The following ABCG5 variants were observed in gnomAD, a reference collection of about 807,000 sequenced individuals.
ABCG5 encodes ATP-binding cassette sub-family G member 5.
ABCG5 carries 64 observed loss-of-function variants against 64.5 expected under a neutral mutation model. The observed-to-expected ratio is 0.99, with a 90% confidence interval of 0.81 to 1.22. ABCG5 has a LOEUF of 1.22. Ranked by LOEUF, ABCG5 falls within the 50% of genes most tolerant of loss-of-function variation. The pLI, the probability that ABCG5 is intolerant of heterozygous loss-of-function variation, is 0.00. For synonymous variants in ABCG5, 385 were observed against 326.3 expected (o/e 1.18, Z -1.94); for missense variants, 908 against 829.5 (o/e 1.09, Z -1.16).
At chr2:43,808,271 A>AC (rs903696001), downstream of ABCG5, among the ~76,000 whole-genome samples, 11 of 151,816 alleles carry the variant, frequency 7.2e-5, no homozygotes, top group Non-Finnish European at 1.5e-5. Context: ...AAGGAAAAAA[A>AC]AAAACACACA....
At chr2:43,813,364 C>G (rs1666585787) in intron 12 of ABCG5, 55 bp from the exon 13 acceptor site, 2 of 1,307,738 alleles carry the variant, frequency 1.5e-6, no homozygotes, top group Admixed American at 1.8e-5. Context: ...GTAATTTAAT[C>G]AACAAGTATT....
chr2:43,815,882 G>C (rs1341791249), intron 11 of ABCG5, among the ~76,000 whole-genome samples: 1 of 133,352 alleles, frequency 7.5e-6, no homozygotes, highest in African/African-American at 2.9e-5. Context: ...AGGATGGCTA[G>C]AATGAGGGCA....
intron 7 of ABCG5, 45 bp from the exon 8 acceptor site, chr2:43,824,477 CATGT>C (rs772704001): frequency 3.5e-5 from 56 of 1,605,128 alleles, no homozygotes; most frequent in Non-Finnish European, 4.6e-5. Context: ...TTTTTAAATG[CATGT>C]ATGTACATGG....
intron 4 of ABCG5, among the ~76,000 whole-genome samples, chr2:43,828,791 C>T (rs1367335818): frequency 6.6e-6 from 1 of 152,010 alleles, no homozygotes; most frequent in South Asian, 2.1e-4. Flanking sequence ...CACGGTGAAA[C>T]CCTGTCTGTT....
Position 43,813,180 on chromosome 2 carries a change from A to G in ABCG5, c.1892T>C (p.Ile631Thr). Reference sequence around the variant, plus strand: ...TATTCCTAGGATGACAAGAGCTGGAATAAATGAATACAAAATCAGAAAGTT... The same window carrying G: ...TATTCCTAGGATGACAAGAGCTGGAGTAAATGAATACAAAATCAGAAAGTT... The part of the protein sequence containing the change: ...TMNFLILYSF[I>T]PALVILGIVV... Residue 631 changes from isoleucine to threonine, a missense_variant, in exon 13 of 13, where the codon ATT (isoleucine) becomes ACT (threonine). Coordinates refer to ENST00000405322, the MANE Select transcript of ABCG5 (RefSeq NM_022436.3). 1 of 1,552,378 alleles carries G rather than the reference A, an allele frequency of 6.4e-7. No individual in the cohort carries two copies. The highest frequency in any genetic ancestry group is 8.9e-7 in the Non-Finnish European group (1 of 1,124,064).
intron 5 of ABCG5, among the ~76,000 whole-genome samples, chr2:43,827,524 A>G (rs1368822354): frequency 6.6e-6 from 1 of 152,170 alleles, no homozygotes; most frequent in Non-Finnish European, 1.5e-5. Context: ...AACCTGGCAG[A>G]GGACTGACTA....
Position 43,837,933 on chromosome 2 carries a change from C to G in ABCG5, c.166G>C (p.Asp56His). 6.2e-7 allele frequency: 1 copy of G among 1,614,044 alleles called. No individual in the cohort carries two copies. The highest frequency in any genetic ancestry group is 8.5e-7 in the Non-Finnish European group (1 of 1,179,974). The change falls in exon 2 of 13, where the codon GAC (aspartate) becomes CAC (histidine). Residue 56 changes from aspartate (D) to histidine (H), a missense_variant. Physicochemically the swap from Asp to His is moderately conservative, Grantham distance 81. Transcript: ENST00000405322. The stretch of plus-strand genomic sequence containing the variant: ...CACTGCTGCCGGCAAGATGTGATGT[C>G]CCACCAGGGCCTCACGCGGTGGCTT... ...SVSHRVRPWW[D>H]ITSCRQQWTR... is the part of the protein sequence containing the mutation.
downstream of ABCG5, among the ~76,000 whole-genome samples, chr2:43,807,999 C>A (rs1666332638): frequency 6.6e-6 from 1 of 151,956 alleles, no homozygotes; most frequent in Admixed American, 6.6e-5. Flanking sequence ...AGTCTGCTGT[C>A]TGCAAAAGGG....
chr2:43,820,677 G>A (rs555791255), intron 10 of ABCG5, among the ~76,000 whole-genome samples: 25 of 152,152 alleles, frequency 1.6e-4, no homozygotes, highest in Middle Eastern at 3.4e-3. Flanking sequence ...TTTTTGAGAC[G>A]GAGTTGCACT....
rs2104897687 is a variant in ABCG5, at chr2:43,838,314, T to C, written c.143+223A>G. On this transcript the variant is annotated intron_variant, in intron 1 of 12. Coordinates refer to ENST00000405322, the MANE Select transcript of ABCG5 (RefSeq NM_022436.3). The surrounding 1 kb of genome is among the most constrained non-coding windows in gnomAD (Gnocchi z 4.2). The stretch of plus-strand genomic sequence containing the variant: ...GGGTTGGCAGGGCACTGCTGCCACT[T>C]TGTTTATGCCCAGGCCCTTCCCTGG... 1.7e-6 allele frequency: 1 copy of C among 595,748 alleles called. No individual in the cohort carries two copies. The highest frequency in any genetic ancestry group is 4.5e-4 in the Middle Eastern group (1 of 2,208). The allele number at this position is 595,748 out of a possible 1,614,324, so 36.9% of individuals were successfully genotyped here.
At chr2:43,833,290 C>A (rs1668061820) in intron 2 of ABCG5, among the ~76,000 whole-genome samples, 1 of 152,146 alleles carries the variant, frequency 6.6e-6, no homozygotes, top group East Asian at 1.9e-4. Flanking sequence ...AAGTTCTGAA[C>A]TATCTGGGAA....
intron 2 of ABCG5, among the ~76,000 whole-genome samples, chr2:43,834,500 G>C (rs112263879): frequency 6.6e-6 from 1 of 152,078 alleles, no homozygotes; most frequent in Non-Finnish European, 1.5e-5. Flanking sequence ...ACTAAATTTT[G>C]GGATACTTTT....
chr2:43,831,773 T>G lies in ABCG5; in HGVS notation c.497A>C (p.Lys166Thr). 1 of 1,579,416 alleles carries G rather than the reference T, an allele frequency of 6.3e-7. No individual in the cohort carries two copies. The highest frequency in any genetic ancestry group is 8.6e-7 in the Non-Finnish European group (1 of 1,164,542). The stretch of plus-strand genomic sequence containing the variant: ...TGAGCGGGGGGCTGCACCCACCTTC[T>G]TCTGGAAGGAGCCGGGATTGCCGCG... ...IRRGNPGSFQ[K>T]KVEAVMAELS... Residue 166 changes from lysine to threonine, a missense_variant, in exon 4 of 13, where the codon AAG becomes ACG. Transcript: ENST00000405322.
intron 4 of ABCG5, 147 bp from the exon 5 acceptor site, chr2:43,828,262 T>G: frequency 9.9e-7 from 1 of 1,009,348 alleles, no homozygotes; most frequent in Non-Finnish European, 1.5e-6. Flanking sequence ...GGAAAGCATG[T>G]CTTTGATAAT....
rs1418560227 is a variant in ABCG5 at position 43,832,186 on chromosome 2, G to C, written c.266-103C>G. On this transcript the variant is annotated intron_variant, in intron 2 of 12. Coordinates refer to ENST00000405322, the MANE Select transcript of ABCG5 (RefSeq NM_022436.3). Reference sequence around the variant, plus strand: ...AGGCATGACCCCGCGGGCCATGAGTGCTACATGACGGACCCTGTTCTAGGT... The same window carrying C: ...AGGCATGACCCCGCGGGCCATGAGTCCTACATGACGGACCCTGTTCTAGGT... 6.1e-6 allele frequency: 9 copies of C among 1,473,190 alleles called. No individual in the cohort carries two copies. In the East Asian group the frequency reaches 2.2e-4, roughly 37 times the overall value. The allele number at this position is 1,473,190 out of a possible 1,614,324, so 91.3% of individuals were successfully genotyped here. A position where few individuals can be genotyped will look rare whatever the true frequency, so the allele number is the denominator to read the frequency against.
At chr2:43,809,734 C>T (rs1666414284), downstream of ABCG5, 3 of 1,611,866 alleles carry the variant, frequency 1.9e-6, no homozygotes, top group East Asian at 4.5e-5. Flanking sequence ...GAAGTTCTTC[C>T]AAGTCTTGGA....
At position 43,832,171 on chromosome 2, in the gene ABCG5, C is replaced by A. The variant is rs1405960372; in HGVS notation, c.266-88G>T. On this transcript the variant is annotated intron_variant, in intron 2 of 12. Coordinates refer to ENST00000405322, the MANE Select transcript of ABCG5 (RefSeq NM_022436.3). ...CGAGACCCTCTGTGCAGGCATGACC[C>A]CGCGGGCCATGAGTGCTACATGACG... 18 of 1,535,346 alleles carry A rather than the reference C, an allele frequency of 1.2e-5. No individual in the cohort carries two copies. The East Asian group carries it at 3.7e-4, about 31-fold the overall frequency.
At position 43,838,100 on chromosome 2, in the gene ABCG5, C is replaced by T; in HGVS notation, c.144-145G>A. ...CGTGTTTCAGTCTCTGCGCCCTCCT[C>T]TGTAGAACCTGGCAGATAGCGACTG... On this transcript the variant is annotated intron_variant, in intron 1 of 12. Transcript: ENST00000405322. This position sits in a 1 kb window ranked among gnomAD's most constrained non-coding sequence, Gnocchi z 4.2. 2 of 1,098,182 alleles carry T rather than the reference C, an allele frequency of 1.8e-6. No individual in the cohort carries two copies. The highest frequency in any genetic ancestry group is 2.7e-6 in the Non-Finnish European group (2 of 753,164). 68.0% of individuals were successfully genotyped at this position (1,098,182 alleles called of 1,614,324 possible). A position where few individuals can be genotyped will look rare whatever the true frequency, so the allele number is the denominator to read the frequency against.
At chr2:43,832,317 G>C (rs1311951732) in intron 2 of ABCG5, 3 of 603,300 alleles carry the variant, frequency 5.0e-6, no homozygotes, top group Non-Finnish European at 5.9e-6. Flanking sequence ...AGTGAGAGGG[G>C]ACATGCCATT....
Sources: allele counts gnomAD v4.1 joint callset (sites outside exome capture counted in the v4.1 genomes callset), GRCh38; gene constraint gnomAD v4.1.1; non-coding constraint Gnocchi (gnomAD v3.1); transcripts MANE v1.5; gene names NCBI Gene and HGNC (gene_info 2026-07-23, HGNC 2026-07-21).